The following CCDC191 variants were observed in gnomAD, a reference collection of about 807,000 sequenced individuals.
CCDC191 encodes coiled-coil domain-containing protein 191.
Under a neutral mutation model 114.0 loss-of-function variants are expected in CCDC191, and 99 were observed. The ratio of observed to expected loss-of-function variants is 0.87; its 90% CI spans 0.74 to 1.03. The LOEUF (loss-of-function observed/expected upper bound fraction) is 1.03, where lower values mean the gene tolerates loss of function less well. CCDC191 is among the 50% of genes least tolerant of loss of function. The pLI is 0.00. For missense variants in CCDC191, 973 were observed against 1,087.0 expected, an observed-to-expected ratio of 0.90 and a Z score of 1.47; for synonymous variants, 351 against 376.0, an observed-to-expected ratio of 0.93 and a Z score of 0.77.
Position 114,042,726 on chromosome 3 carries a change from T to C in CCDC191, c.392A>G (p.His131Arg). The change falls in exon 4 of 17, where the codon CAT (histidine) becomes CGT (arginine). Residue 131 changes from histidine (H) to arginine (R), a missense_variant. Physicochemically the swap from His to Arg is conservative, Grantham distance 29. Coordinates refer to ENST00000295878, the MANE Select transcript of CCDC191 (RefSeq NM_020817.2). ...ACCATCAAACTTGTCATATTTCAAA[T>C]GGCCATTGGCTTCCGGCATAATAGT... is the stretch of plus-strand genomic sequence containing the variant. ...SVTIMPEANGHLKYDKFDDLC... is the reference protein window; with the variant it reads ...SVTIMPEANGRLKYDKFDDLC... The C allele has an allele frequency of 6.3e-7, 1 of 1,582,660 alleles. No homozygotes were observed. The highest frequency in any genetic ancestry group is 8.6e-7 in the Non-Finnish European group (1 of 1,169,276).
chr3:114,034,799 G>A (rs1387720224), intron 6 of CCDC191, 126 bp downstream of exon 6: 6 of 777,216 alleles, frequency 7.7e-6, no homozygotes, highest in African/African-American at 5.2e-5. Flanking sequence ...TTAAGATGGT[G>A]GAATAGTGAG....
At chr3:114,031,319 T>G (rs529262479) in intron 7 of CCDC191, among the ~76,000 whole-genome samples, 1 of 152,208 alleles carries the variant, frequency 6.6e-6, no homozygotes, top group South Asian at 2.1e-4. Flanking sequence ...CTACCTTAGT[T>G]TAAGGTTAAT....
chr3:113,983,435 G>A (rs1399008673), intron 13 of CCDC191, among the ~76,000 whole-genome samples: 5 of 152,096 alleles, frequency 3.3e-5, no homozygotes, highest in Admixed American at 6.5e-5. Context: ...TATCTGACAT[G>A]TTCATTTGGA....
chr3:114,023,000 C>T (rs1233348930), intron 7 of CCDC191, among the ~76,000 whole-genome samples: 1 of 152,148 alleles, frequency 6.6e-6, no homozygotes, highest in Non-Finnish European at 1.5e-5. Context: ...TGATAAGCAA[C>T]TTCAGCAAAG....
intron 8 of CCDC191, 133 bp from the exon 9 acceptor site, chr3:114,011,154 A>C (rs904507919): frequency 3.0e-6 from 3 of 1,013,828 alleles, no homozygotes; most frequent in Non-Finnish European, 4.3e-6. Context: ...TTTTATATTA[A>C]GCTAAATGAA....
rs1234617715 is a variant in CCDC191, at chr3:114,046,674, T to A, written c.188A>T (p.Asp63Val). Reference sequence around the variant, plus strand: ...TTGGCCCCAGGGACTTCTAGGTAAATCTGAATTTCTAGTAAAAAATGCATT... The same window carrying A: ...TTGGCCCCAGGGACTTCTAGGTAAAACTGAATTTCTAGTAAAAAATGCATT... ...VSNAFFTRNS[D>V]LPRSPWGQIT... The change falls in exon 3 of 17, where the codon GAT (aspartate) becomes GTT (valine). Residue 63 changes from aspartate to valine, a missense_variant. Transcript: ENST00000295878. 31 of 1,612,630 alleles carry A rather than the reference T, an allele frequency of 1.9e-5. No individual in the cohort carries two copies. The highest frequency in any genetic ancestry group is 2.6e-5 in the Non-Finnish European group (31 of 1,178,792).
At chr3:114,037,884 TCCCAAATATTTTTCA>T (rs374174276) in intron 4 of CCDC191, among the ~76,000 whole-genome samples, 32 of 152,340 alleles carry the variant, frequency 2.1e-4, no homozygotes, top group African/African-American at 7.5e-4. Flanking sequence ...AATTATTTTT[TCCCAAATATTTTTCA>T]TCCATGGTTG....
intron 7 of CCDC191, among the ~76,000 whole-genome samples, chr3:114,027,749 G>T (rs1014766837): frequency 4.6e-5 from 7 of 152,130 alleles, no homozygotes; most frequent in African/African-American, 1.7e-4. Flanking sequence ...TTTCTACAGG[G>T]TTTGTACCAG....
intron 7 of CCDC191, among the ~76,000 whole-genome samples, chr3:114,029,064 G>A (rs1031891299): frequency 5.3e-5 from 8 of 151,992 alleles, no homozygotes; most frequent in Non-Finnish European, 8.8e-5. Flanking sequence ...TTAGTGCCTA[G>A]ATCTTAGTTT....
chr3:113,966,594 C>G (rs1940196740), intron 16 of CCDC191, among the ~76,000 whole-genome samples: 1 of 152,146 alleles, frequency 6.6e-6, no homozygotes, highest in Non-Finnish European at 1.5e-5. Flanking sequence ...GCGAGAATAG[C>G]ATGCCGTGGT....
At chr3:114,015,693 T>C (rs947323181) in intron 8 of CCDC191, among the ~76,000 whole-genome samples, 1 of 152,212 alleles carries the variant, frequency 6.6e-6, no homozygotes, top group African/African-American at 2.4e-5. Context: ...TACTAGAATT[T>C]TGTTGTATTA....
Position 113,980,747 on chromosome 3 carries a change from T to A in CCDC191, c.2210A>T (p.Glu737Val). 2 of 1,610,934 alleles carry A rather than the reference T, an allele frequency of 1.2e-6. No individual in the cohort carries two copies. Among genetic ancestry groups the A allele is most frequent in the Non-Finnish European group, 1.7e-6 (2 of 1,179,020 alleles). Residue 737 changes from glutamate (E) to valine (V), a missense_variant, in exon 14 of 17, where the codon GAA becomes GTA. Coordinates refer to ENST00000295878, the MANE Select transcript of CCDC191 (RefSeq NM_020817.2). The stretch of plus-strand genomic sequence containing the variant: ...TTCATAATGTTCTTTGGCTATTGCT[T>A]CCAGCTGCTGGTTCCTCTTAATTCT... ...QKRIKRNQQL[E>V]AIAKEHYERV...
chr3:114,015,354 G>A (rs1002591481), intron 8 of CCDC191, among the ~76,000 whole-genome samples: 2 of 152,184 alleles, frequency 1.3e-5, no homozygotes, highest in Admixed American at 1.3e-4. Flanking sequence ...AAAGAATTGA[G>A]AAATCTGGGA....
chr3:114,036,767 C>A lies in CCDC191; in HGVS notation c.435G>T (p.Glu145Asp). The change falls in exon 5 of 17, where the codon GAG (glutamate) becomes GAT (aspartate). Residue 145 changes from glutamate to aspartate, a missense_variant. Physicochemically the swap from Glu to Asp is conservative, Grantham distance 45 (BLOSUM62 2). Transcript: ENST00000295878. ...GAACGGTGGTACTTTCCTCTTCTTC[C>A]TCCAAATAGCCACATAAATCTGGGG... ...DKFDDLCGYL[E>D]EEEESTTVQK... 1 of 1,554,076 alleles carries A rather than the reference C, an allele frequency of 6.4e-7. No homozygotes were observed. Among genetic ancestry groups the A allele is most frequent in the Non-Finnish European group, 8.7e-7 (1 of 1,149,416 alleles).
chr3:113,978,147 A>C, intron 16 of CCDC191, 39 bp downstream of exon 16: 1 of 1,608,472 alleles, frequency 6.2e-7, no homozygotes, highest in South Asian at 1.1e-5. Context: ...AGCAATTGTG[A>C]AGTCAGAGAG....
chr3:113,971,177 C>T (rs1940786311), intron 16 of CCDC191, among the ~76,000 whole-genome samples: 1 of 152,196 alleles, frequency 6.6e-6, no homozygotes, highest in Non-Finnish European at 1.5e-5. Context: ...TTTACAGTCC[C>T]ACCAACAGTG....
chr3:114,016,563 T>C (rs1451753362), intron 8 of CCDC191, among the ~76,000 whole-genome samples: 1 of 152,234 alleles, frequency 6.6e-6, no homozygotes, highest in African/African-American at 2.4e-5. Context: ...AGTTAAATGT[T>C]TTCTAACTCT....
At position 114,002,498 on chromosome 3, in the gene CCDC191, C is replaced by T; in HGVS notation, c.2019G>A (p.Arg673=). Residue 673 remains arginine (R), a synonymous_variant, in exon 12 of 17, where the codon CGG becomes CGA. Coordinates refer to ENST00000295878, the MANE Select transcript of CCDC191 (RefSeq NM_020817.2). ...GTTTTTTCTTCTTCTCTGCCAAGAT[C>T]CGCCTACATTCAGCTCGTTGAATTG... ...ERAIQRAECR[R]ILAEKKKKQE... The T allele has an allele frequency of 1.2e-6, 2 of 1,611,742 alleles. No homozygotes were observed. Among genetic ancestry groups the T allele is most frequent in the Non-Finnish European group, 8.5e-7 (1 of 1,179,132 alleles).
chr3:114,027,624 A>AAAAAAAAAG (rs1559920022), intron 7 of CCDC191, among the ~76,000 whole-genome samples: 6 of 130,948 alleles, frequency 4.6e-5, no homozygotes, highest in Non-Finnish European at 8.3e-5. Flanking sequence ...AAAAAAAAAG[A>AAAAAAAAAG]AAAAAAAATC....
Sources: allele counts gnomAD v4.1 joint callset (sites outside exome capture counted in the v4.1 genomes callset), GRCh38; gene constraint gnomAD v4.1.1; transcripts MANE v1.5; gene names NCBI Gene and HGNC (gene_info 2026-07-23, HGNC 2026-07-21).